The following SHISA6 variants were observed in gnomAD, a reference collection of about 807,000 sequenced individuals.
The protein encoded by SHISA6 is protein shisa-6.
In SHISA6, 22 loss-of-function variants were observed where a neutral mutation model predicts 47.9. The observed-to-expected ratio is 0.46, with a 90% CI of 0.33 to 0.66. The LOEUF (loss-of-function observed/expected upper bound fraction) is 0.66. Ranked by LOEUF, SHISA6 falls within the 30% of genes least tolerant of loss-of-function variation. The pLI, the probability that SHISA6 is intolerant of heterozygous loss-of-function variation, is 0.02. For synonymous variants in SHISA6, 388 were observed against 337.8 expected (o/e 1.15, Z -1.63); for missense variants, 680 against 764.6 (o/e 0.89, Z 1.30).
At chr17:11,297,426 C>T (rs939328620) in intron 2 of SHISA6, among the ~76,000 whole-genome samples, 4 of 152,056 alleles carry the variant, frequency 2.6e-5, no homozygotes, top group Admixed American at 2.0e-4. Context: ...GAAGTTGGCC[C>T]CTTCATACAG....
At chr17:11,271,107 G>C (rs78383956) in intron 2 of SHISA6, among the ~76,000 whole-genome samples, 2 of 152,088 alleles carry the variant, frequency 1.3e-5, no homozygotes, top group African/African-American at 4.8e-5. Context: ...GAGGCGGGAA[G>C]GGTGTGAAAC....
At chr17:11,515,353 GAA>G (rs2071576993) in intron 3 of SHISA6, among the ~76,000 whole-genome samples, 1 of 144,606 alleles carries the variant, frequency 6.9e-6, no homozygotes, top group South Asian at 2.2e-4. Flanking sequence ...AGGAAGGAAG[GAA>G]GGAAGGAAGG....
At chr17:11,277,508 C>T (rs1049946991) in intron 2 of SHISA6, among the ~76,000 whole-genome samples, 3 of 152,098 alleles carry the variant, frequency 2.0e-5, no homozygotes, top group African/African-American at 7.2e-5. Context: ...GATCTTGGCA[C>T]TTAGTAGGCA....
At chr17:11,502,333 C>T (rs866772712) in intron 3 of SHISA6, among the ~76,000 whole-genome samples, 2 of 131,750 alleles carry the variant, frequency 1.5e-5, no homozygotes, top group Admixed American at 9.2e-5. Context: ...GGCGTGAACC[C>T]GGGAGGCGGA....
Position 11,445,338 on chromosome 17 carries a change from A to G in SHISA6, c.895+65829A>G, listed in dbSNP as rs533147444. On this transcript the variant is annotated intron_variant, in intron 3 of 5. Transcript: ENST00000441885. Reference sequence around the variant, plus strand: ...GTGACATCTGAACTGGGGGCAAGAGAGCACAAACCTTTAGTCCACTGCAGC... The same window carrying G: ...GTGACATCTGAACTGGGGGCAAGAGGGCACAAACCTTTAGTCCACTGCAGC... 1.8e-3 allele frequency among the ~76,000 whole-genome samples: 280 copies of G among 152,296 alleles called. 2 individuals are homozygous for G. In the South Asian group the frequency reaches 0.023, roughly 12 times the overall value.
At chr17:11,489,312 T>A (rs1916421432) in intron 3 of SHISA6, among the ~76,000 whole-genome samples, 1 of 148,320 alleles carries the variant, frequency 6.7e-6, no homozygotes, top group Admixed American at 6.6e-5. Context: ...GGTCCCTTCT[T>A]CCCTTTTATC....
rs564104459 is a variant in SHISA6, at chr17:11,332,348, C to A, written c.800-47066C>A. 9.9e-5 allele frequency among the ~76,000 whole-genome samples: 15 copies of A among 152,204 alleles called. 1 individual carries two copies. In the East Asian group the frequency reaches 2.7e-3, roughly 27 times the overall value. ...TAGCAGCTCTCTGCTACCCTGCGTA[C>A]CATAGACTGGGGACAACTTGCTTTC... is the stretch of plus-strand genomic sequence containing the variant. On this transcript the variant is annotated intron_variant, in intron 2 of 5. Coordinates refer to ENST00000441885, the MANE Select transcript of SHISA6 (RefSeq NM_207386.4).
intron 3 of SHISA6, among the ~76,000 whole-genome samples, chr17:11,522,416 A>G (rs1202987688): frequency 1.3e-5 from 2 of 152,198 alleles, no homozygotes. Flanking sequence ...GACACGCAAC[A>G]GCACGCCTGG....
intron 3 of SHISA6, among the ~76,000 whole-genome samples, chr17:11,424,339 A>G (rs1167809538): frequency 6.6e-6 from 1 of 152,232 alleles, no homozygotes; most frequent in African/African-American, 2.4e-5. Context: ...AATTACCATC[A>G]ACATAGGATT....
intron 2 of SHISA6, among the ~76,000 whole-genome samples, chr17:11,326,567 T>C (rs1910904170): frequency 6.6e-6 from 1 of 152,222 alleles, no homozygotes; most frequent in Non-Finnish European, 1.5e-5. Flanking sequence ...CATAATGACA[T>C]GGCACCATAT....
intron 3 of SHISA6, among the ~76,000 whole-genome samples, chr17:11,429,551 C>T (rs868506416): frequency 2.7e-5 from 4 of 148,826 alleles, no homozygotes; most frequent in Non-Finnish European, 4.4e-5. Flanking sequence ...GAGGCCAAGG[C>T]GGGTGGATCT....
intron 3 of SHISA6, among the ~76,000 whole-genome samples, chr17:11,459,762 C>G (rs1291583418): frequency 6.6e-6 from 1 of 152,206 alleles, no homozygotes; most frequent in African/African-American, 2.4e-5. Context: ...CCCTCGATCA[C>G]TGGGTTGTAT....
chr17:11,303,527 G>T (rs1226649195), intron 2 of SHISA6, among the ~76,000 whole-genome samples: 1 of 152,128 alleles, frequency 6.6e-6, no homozygotes, highest in Non-Finnish European at 1.5e-5. Context: ...GTGTGATTGT[G>T]TGGTTGTGTG....
chr17:11,557,739 G>T lies in SHISA6; in HGVS notation c.1106-15G>T. The T allele has an allele frequency of 4.6e-6, 7 of 1,523,250 alleles. No homozygotes were observed. Among genetic ancestry groups the T allele is most frequent in the Non-Finnish European group, 6.2e-6 (7 of 1,132,704 alleles). The allele number at this position is 1,523,250 out of a possible 1,614,324, so 94.4% of individuals were successfully genotyped here. On this transcript the variant is annotated splice_polypyrimidine_tract_variant and intron_variant, in intron 5 of 5. Transcript: ENST00000441885. ...CACCCCAGTTGCCTTCTCTCACTCT[G>T]TCTCTCCCCTGCAGCCGACAAGGAG...
At chr17:11,379,383 C>A in intron 2 of SHISA6, 31 bp from the exon 3 acceptor site, 1 of 1,456,996 alleles carries the variant, frequency 6.9e-7, no homozygotes, top group Non-Finnish European at 9.3e-7. Flanking sequence ...GTCGTGGATG[C>A]GCCAGGTAAT....
chr17:11,506,984 T>C (rs2071504088), intron 3 of SHISA6, among the ~76,000 whole-genome samples: 1 of 152,156 alleles, frequency 6.6e-6, no homozygotes, highest in African/African-American at 2.4e-5. Context: ...TCTTAGAGTC[T>C]AGGCACGTTG....
intron 3 of SHISA6, among the ~76,000 whole-genome samples, chr17:11,466,673 A>G (rs766425692): frequency 1.1e-4 from 17 of 152,194 alleles, no homozygotes; most frequent in African/African-American, 2.4e-4. Flanking sequence ...ACCCACTTAC[A>G]TAAGATTTTG....
chr17:11,433,671 G>T (rs755602237), intron 3 of SHISA6, among the ~76,000 whole-genome samples: 3 of 152,106 alleles, frequency 2.0e-5, no homozygotes. Flanking sequence ...TTTTTAAAAA[G>T]TTTACATTCA....
intron 2 of SHISA6, among the ~76,000 whole-genome samples, chr17:11,292,974 A>G (rs1597443814): frequency 1.3e-5 from 2 of 151,516 alleles, no homozygotes; most frequent in African/African-American, 2.4e-5. Context: ...ACAGGCGCCC[A>G]CCGCCACACC....
Sources: allele counts gnomAD v4.1 joint callset (sites outside exome capture counted in the v4.1 genomes callset), GRCh38; gene constraint gnomAD v4.1.1; transcripts MANE v1.5; gene names NCBI Gene and HGNC (gene_info 2026-07-23, HGNC 2026-07-21).